Variants in TRAK1 observed in about 807,000 individuals in gnomAD.
The protein encoded by TRAK1 is trafficking kinesin-binding protein 1.
A neutral mutation model predicts 92.1 loss-of-function variants in TRAK1; 33 were observed. The observed-to-expected ratio is 0.36, with a 90% CI of 0.27 to 0.48. The LOEUF (loss-of-function observed/expected upper bound fraction) is 0.48, where lower values mean the gene tolerates loss of function less well. Ranked by LOEUF, TRAK1 falls within the 20% of genes least tolerant of loss-of-function variation. The probability of loss-of-function intolerance (pLI) is 0.99; values close to 1 mark genes in which losing one functional copy is unlikely to be tolerated. For synonymous variants in TRAK1, 521 were observed against 517.3 expected, an observed-to-expected ratio of 1.01 and a Z score of -0.10; for missense variants, 1,123 against 1,257.9, an observed-to-expected ratio of 0.89 and a Z score of 1.62.
At chr3:42,072,062 C>CTT (rs1323684410) in intron 1 of TRAK1, among the ~76,000 whole-genome samples, 1 of 152,212 alleles carries the variant, frequency 6.6e-6, no homozygotes, top group African/African-American at 2.4e-5. Context: ...GGATGCCTCT[C>CTT]TGAGAACTGC....
intron 2 of TRAK1, among the ~76,000 whole-genome samples, chr3:42,128,346 A>G (rs1034533869): frequency 6.6e-6 from 1 of 152,222 alleles, no homozygotes; most frequent in Non-Finnish European, 1.5e-5. Flanking sequence ...CAAAATAAAC[A>G]TTGAGCAGAG....
rs77415216 is a variant in TRAK1, at chr3:42,188,029, T to C, written c.481-16T>C. The C allele has an allele frequency of 0.066, 105,902 of 1,612,250 alleles. 3,804 individuals are homozygous for C. The highest frequency in any genetic ancestry group is 0.081 in the Middle Eastern group (488 of 6,060). On this transcript the variant is annotated splice_polypyrimidine_tract_variant and intron_variant, in intron 4 of 15. Coordinates refer to ENST00000327628, the MANE Select transcript of TRAK1 (RefSeq NM_001042646.3). The stretch of plus-strand genomic sequence containing the variant: ...CCTTTTGGGAAGCAAATGATGGGCC[T>C]GCTCTGCTTGTGCAGGTGTCTCAGC...
At chr3:42,079,164 G>C (rs1416069680) in intron 1 of TRAK1, among the ~76,000 whole-genome samples, 5 of 152,200 alleles carry the variant, frequency 3.3e-5, no homozygotes, top group Admixed American at 3.3e-4. Flanking sequence ...ATTATTTCAA[G>C]CCACTCAATT....
At chr3:42,217,285 C>G in intron 14 of TRAK1, 1 of 985,202 alleles carries the variant, frequency 1.0e-6, no homozygotes, top group Non-Finnish European at 1.2e-6. Flanking sequence ...TGGTGACATG[C>G]GGAGAGCCCA....
chr3:42,067,943 G>A (rs1448783723), intron 1 of TRAK1, among the ~76,000 whole-genome samples: 2 of 151,966 alleles, frequency 1.3e-5, no homozygotes, highest in African/African-American at 2.4e-5. Context: ...AGGCCGAGGC[G>A]GGCAGATCAT....
chr3:42,190,667 G>A (rs1486317829), intron 6 of TRAK1, among the ~76,000 whole-genome samples: 1 of 152,186 alleles, frequency 6.6e-6, no homozygotes, highest in Non-Finnish European at 1.5e-5. Context: ...ATTTTCTGAA[G>A]TGTAATGATT....
intron 1 of TRAK1, among the ~76,000 whole-genome samples, chr3:42,026,884 A>G (rs185508014): frequency 3.9e-5 from 6 of 152,144 alleles, no homozygotes; most frequent in Admixed American, 6.5e-5. Flanking sequence ...CCTCATATTT[A>G]TAGTAACCCA....
intron 1 of TRAK1, among the ~76,000 whole-genome samples, chr3:42,115,916 C>G (rs1406531619): frequency 6.6e-6 from 1 of 152,198 alleles, no homozygotes; most frequent in African/African-American, 2.4e-5. Flanking sequence ...GTCTCTGAAC[C>G]TTGCAGGGCC....
intron 5 of TRAK1, 70 bp from the exon 6 acceptor site, chr3:42,188,946 C>T: frequency 8.8e-7 from 1 of 1,138,666 alleles, no homozygotes; most frequent in Non-Finnish European, 1.3e-6. Context: ...TTCTTTGTGT[C>T]TCCACATGGT....
intron 14 of TRAK1, among the ~76,000 whole-genome samples, chr3:42,216,095 TC>T (rs1225516182): frequency 6.6e-6 from 1 of 152,120 alleles, no homozygotes; most frequent in Non-Finnish European, 1.5e-5. Flanking sequence ...CGGGCAGAGT[TC>T]CAATCATCCT....
chr3:42,198,315 A>G (rs1251530824), intron 10 of TRAK1, among the ~76,000 whole-genome samples: 1 of 152,220 alleles, frequency 6.6e-6, no homozygotes, highest in Admixed American at 6.5e-5. Context: ...AGAAGCCATC[A>G]GTGACTAGCC....
rs367677225 is a variant in TRAK1 at position 42,199,096 on chromosome 3, C to T, written c.1114-81C>T. The T allele has an allele frequency of 3.5e-5, 52 of 1,489,490 alleles. No individual in the cohort carries two copies. The South Asian group carries it at 3.7e-4, about 11-fold the overall frequency. 92.3% of individuals were successfully genotyped at this position (1,489,490 alleles called of 1,614,324 possible). A position where few individuals can be genotyped will look rare whatever the true frequency, so the allele number is the denominator to read the frequency against. ...GATGCCTTGGTTTACTCTCCATGGC[C>T]CACCTGGGTGCATACCTCTTTTAGA... is the stretch of plus-strand genomic sequence containing the variant. On this transcript the variant is annotated intron_variant, in intron 10 of 15. Coordinates refer to ENST00000327628, the MANE Select transcript of TRAK1 (RefSeq NM_001042646.3).
In TRAK1 at chr3:42,043,897, C is replaced by G. The variant is rs1432136563; in HGVS notation, c.-519+29780C>G. Among the ~76,000 whole-genome samples the G allele has an allele frequency of 4.0e-5, 6 of 151,340 alleles. No individual in the cohort carries two copies. In the East Asian group the frequency reaches 1.2e-3, roughly 29 times the overall value. On this transcript the variant is annotated intron_variant, in intron 1 of 16. Transcript: ENST00000487159. Reference sequence around the variant, plus strand: ...TACCTTTCAGTTGGCAGGAAGCCACCTTTTTTTTTAAAATTACTTTAAAAT... The same window carrying G: ...TACCTTTCAGTTGGCAGGAAGCCACGTTTTTTTTTAAAATTACTTTAAAAT...
At chr3:42,158,367 C>T (rs1000960628) in intron 2 of TRAK1, among the ~76,000 whole-genome samples, 7 of 152,158 alleles carry the variant, frequency 4.6e-5, no homozygotes, top group Non-Finnish European at 1.0e-4. Context: ...GGTTCTTCCT[C>T]TCTCCTGCCT....
At chr3:42,128,824 TA>T (rs1447266245) in intron 2 of TRAK1, among the ~76,000 whole-genome samples, 1 of 147,922 alleles carries the variant, frequency 6.8e-6, no homozygotes, top group East Asian at 2.0e-4. Flanking sequence ...ATAGATCTTT[TA>T]TTTCATGTCA....
At chr3:42,088,262 CA>C (rs1270521394), upstream of TRAK1, among the ~76,000 whole-genome samples, 2 of 152,174 alleles carry the variant, frequency 1.3e-5, no homozygotes, top group South Asian at 4.1e-4. Flanking sequence ...TCCTGTGTGT[CA>C]GGGGTTTCCT....
At chr3:42,120,164 C>T (rs376098614) in intron 1 of TRAK1, among the ~76,000 whole-genome samples, 1 of 152,146 alleles carries the variant, frequency 6.6e-6, no homozygotes, top group Non-Finnish European at 1.5e-5. Context: ...GAGGGGTAAG[C>T]CTCTCCTTAT....
intron 2 of TRAK1, among the ~76,000 whole-genome samples, chr3:42,159,260 G>T (rs1232051912): frequency 6.6e-6 from 1 of 152,164 alleles, no homozygotes. Flanking sequence ...CTACCTGGGG[G>T]AGGCAGCCTG....
At position 42,202,824 on chromosome 3, in the gene TRAK1, AAGGCG is replaced by A; in HGVS notation, c.1744+73_1744+77del. 6.3e-7 allele frequency: 1 copy of A among 1,588,852 alleles called. No homozygotes were observed. The highest frequency in any genetic ancestry group is 8.6e-7 in the Non-Finnish European group (1 of 1,164,070). ...CCTTTGGTCCCTGATCCACCTGCGG[AAGGCG>A]GGGCACCTCTGTCACGCCTACTCCT... On this transcript the variant is annotated intron_variant, in intron 13 of 15. Transcript: ENST00000327628. The surrounding 1 kb of genome is among the most constrained non-coding windows in gnomAD (Gnocchi z 6.1).
Sources: allele counts gnomAD v4.1 joint callset (sites outside exome capture counted in the v4.1 genomes callset), GRCh38; gene constraint gnomAD v4.1.1; non-coding constraint Gnocchi (gnomAD v3.1); transcripts MANE v1.5; gene names NCBI Gene and HGNC (gene_info 2026-07-23, HGNC 2026-07-21).